The following ZNF585B variants were observed in gnomAD, a reference collection of about 807,000 sequenced individuals.
The protein encoded by ZNF585B is zinc finger protein 41-like protein.
ZNF585B carries 7 observed loss-of-function variants against 14.0 expected under a neutral mutation model. The observed-to-expected ratio is 0.50, with a 90% CI of 0.28 to 0.94. The LOEUF (loss-of-function observed/expected upper bound fraction) is 0.94, where lower values mean the gene tolerates loss of function less well. Among genes scored for constraint, ZNF585B ranks in the 40% least tolerant of loss-of-function variants. The pLI is 0.09. For synonymous variants in ZNF585B, 290 were observed against 317.3 expected (o/e 0.91, Z 0.91); for missense variants, 750 against 924.4 (o/e 0.81, Z 2.45).
Position 37,198,456 on chromosome 19 carries a change from G to A in ZNF585B, c.73-8306C>T, listed in dbSNP as rs142981094. 6.3e-3 allele frequency among the ~76,000 whole-genome samples: 962 copies of A among 152,288 alleles called. 26 individuals carry two copies. The highest frequency in any genetic ancestry group is 0.052 in the East Asian group (270 of 5,164). Reference sequence around the variant, plus strand: ...CAAAGTGCTGGGATTACAGGCATGAGCCACCAGGCCAGGCCATTCCAGTGT... The same window carrying A: ...CAAAGTGCTGGGATTACAGGCATGAACCACCAGGCCAGGCCATTCCAGTGT... On this transcript the variant is annotated intron_variant, in intron 2 of 4. Transcript: ENST00000532828.
chr19:37,202,889 G>A (rs762741298), intron 2 of ZNF585B, among the ~76,000 whole-genome samples: 2 of 151,994 alleles, frequency 1.3e-5, no homozygotes, highest in Non-Finnish European at 2.9e-5. Flanking sequence ...GTGATCCACT[G>A]GCCCTGGTCT....
intron 2 of ZNF585B, chr19:37,199,013 A>G (rs1385583966): frequency 6.5e-7 from 1 of 1,531,418 alleles, no homozygotes. Flanking sequence ...TTGTGCTTAT[A>G]GGGCTCAGAA....
At chr19:37,200,053 TAATAA>T (rs74174449) in intron 2 of ZNF585B, among the ~76,000 whole-genome samples, 29,750 of 144,412 alleles carry the variant, frequency 0.21, 4,179 homozygotes, top group African/African-American at 0.4. Context: ...CAAAAATAAA[TAATAA>T]AATAAAATAA....
Position 37,184,917 on chromosome 19 carries a change from C to A in ZNF585B, c.*310G>T. On this transcript the variant is annotated 3_prime_UTR_variant, in exon 5 of 5. Transcript: ENST00000532828. ...AGGATTATCATTCCCATAATATGAT[C>A]TTTCTTATGAAGAATTTGGTAACAG... The A allele has an allele frequency of 2.2e-6, 1 of 457,540 alleles. No homozygotes were observed. Among genetic ancestry groups the A allele is most frequent in the East Asian group, 3.2e-5 (1 of 31,736 alleles). The allele number at this position is 457,540 out of a possible 1,614,324, so 28.3% of individuals were successfully genotyped here. A position where few individuals can be genotyped will look rare whatever the true frequency, so the allele number is the denominator to read the frequency against.
chr19:37,205,552 C>T (rs1972576646), intron 2 of ZNF585B, among the ~76,000 whole-genome samples: 1 of 152,114 alleles, frequency 6.6e-6, no homozygotes, highest in Non-Finnish European at 1.5e-5. Context: ...CATTTGTATA[C>T]AGAACTAAGC....
intron 2 of ZNF585B, among the ~76,000 whole-genome samples, chr19:37,201,235 C>G (rs1384738219): frequency 6.6e-6 from 1 of 152,066 alleles, no homozygotes; most frequent in Non-Finnish European, 1.5e-5. Context: ...AATATTTGAG[C>G]TGAATTCTCA....
intron 4 of ZNF585B, among the ~76,000 whole-genome samples, chr19:37,188,611 G>A (rs1278907787): frequency 6.6e-6 from 1 of 152,244 alleles, no homozygotes; most frequent in African/African-American, 2.4e-5. Flanking sequence ...GGAGGTTGCA[G>A]TGAGCCAAGA....
At chr19:37,201,884 T>C (rs1432720050) in intron 2 of ZNF585B, among the ~76,000 whole-genome samples, 1 of 152,240 alleles carries the variant, frequency 6.6e-6, no homozygotes, top group Non-Finnish European at 1.5e-5. Context: ...ACTTCTGATA[T>C]ACAGTATTTT....
Position 37,184,410 on chromosome 19 carries a change from AAGAAAGAG to A in ZNF585B, c.*809_*816del, listed in dbSNP as rs1568504801. 40 of 49,766 alleles carry A rather than the reference AAGAAAGAG, an allele frequency of 8.0e-4. 2 individuals carry two copies. The highest frequency in any genetic ancestry group is 3.2e-3 in the African/African-American group (33 of 10,290). The allele number at this position is 49,766 out of a possible 1,614,324, so 3.1% of individuals were successfully genotyped here. ...AAAGAAAGAAAGAAAGAAAGAAAGA[AAGAAAGAG>A]AAAGAAAGAAAAAGAAAGAAAGAAG... On this transcript the variant is annotated 3_prime_UTR_variant, in exon 5 of 5. Coordinates refer to ENST00000532828, the MANE Select transcript of ZNF585B (RefSeq NM_152279.4).
chr19:37,199,704 AACATCC>A (rs1202052765), intron 2 of ZNF585B, among the ~76,000 whole-genome samples: 2 of 152,144 alleles, frequency 1.3e-5, no homozygotes, highest in Admixed American at 1.3e-4. Context: ...CAACAGAAAA[AACATCC>A]ACCATGAATT....
Position 37,184,738 on chromosome 19 carries a change from A to C in ZNF585B, c.*489T>G, listed in dbSNP as rs943924728. 2.9e-6 allele frequency: 1 copy of C among 347,090 alleles called. No individual in the cohort carries two copies. The highest frequency in any genetic ancestry group is 5.2e-6 in the Non-Finnish European group (1 of 193,382). 21.5% of individuals were successfully genotyped at this position (347,090 alleles called of 1,614,324 possible). A position where few individuals can be genotyped will look rare whatever the true frequency, so the allele number is the denominator to read the frequency against. On this transcript the variant is annotated 3_prime_UTR_variant, in exon 5 of 5. Coordinates refer to ENST00000532828, the MANE Select transcript of ZNF585B (RefSeq NM_152279.4). ...ATACTCAATGGGGAATTGGATATGC[A>C]CAACTGTGTTCGATTCAAAAGAAGA...
chr19:37,209,876 C>A (rs917649699), intron 1 of ZNF585B, among the ~76,000 whole-genome samples: 1 of 151,732 alleles, frequency 6.6e-6, no homozygotes, highest in East Asian at 1.9e-4. Flanking sequence ...CCACCACGCC[C>A]GGCTAATTTT....
intron 2 of ZNF585B, among the ~76,000 whole-genome samples, chr19:37,202,862 C>T (rs12462716): frequency 0.13 from 19,312 of 152,068 alleles, 1,716 homozygotes; most frequent in East Asian, 0.4. Context: ...AGGCTGGTCT[C>T]GAACTCCTGA....
intron 2 of ZNF585B, among the ~76,000 whole-genome samples, chr19:37,204,322 T>C (rs1369516068): frequency 6.6e-6 from 1 of 152,214 alleles, no homozygotes; most frequent in African/African-American, 2.4e-5. Context: ...GTTAGCCTCG[T>C]ACTATCAATT....
intron 4 of ZNF585B, among the ~76,000 whole-genome samples, chr19:37,187,677 T>G (rs1437510794): frequency 6.6e-6 from 1 of 152,152 alleles, no homozygotes; most frequent in African/African-American, 2.4e-5. Flanking sequence ...TCCAAACACT[T>G]TTTCAAGGGA....
chr19:37,185,625 C>T lies in ZNF585B; in HGVS notation c.1912G>A (p.Glu638Lys), dbSNP rs768113880. The change falls in exon 5 of 5, where the codon GAG becomes AAG. Residue 638 changes from glutamate (E) to lysine (K), a missense_variant. Transcript: ENST00000532828. ...HTGEKPYVCAECGKAFSGRSN... is the reference protein window; with the variant it reads ...HTGEKPYVCAKCGKAFSGRSN... The stretch of plus-strand genomic sequence containing the variant: ...CTGCCACTAAAGGCTTTCCCACACT[C>T]GGCACACACATAGGGTTTCTCTCCT... 10 of 1,614,062 alleles carry T rather than the reference C, an allele frequency of 6.2e-6. No individual in the cohort carries two copies. Among genetic ancestry groups the T allele is most frequent in the South Asian group, 4.4e-5 (4 of 91,068 alleles).
rs1293819066 is a variant in ZNF585B, at chr19:37,184,418, GAAAGAAAGAA to G, written c.*799_*808del. 1 of 47,040 alleles carries G rather than the reference GAAAGAAAGAA, an allele frequency of 2.1e-5. No homozygotes were observed. The highest frequency in any genetic ancestry group is 1.1e-4 in the African/African-American group (1 of 9,272). The allele number at this position is 47,040 out of a possible 1,614,324, so 2.9% of individuals were successfully genotyped here. Reference sequence around the variant, plus strand: ...AAAGAAAGAAAGAAAGAAAGAAAGAGAAAGAAAGAAAAAGAAAGAAAGAAGGAAAGAAAGA... The same window carrying G: ...AAAGAAAGAAAGAAAGAAAGAAAGAGAAAGAAAGAAAGAAGGAAAGAAAGA... On this transcript the variant is annotated 3_prime_UTR_variant, in exon 5 of 5. Transcript: ENST00000532828.
chr19:37,189,560 G>T (rs1289014067), intron 4 of ZNF585B, 101 bp downstream of exon 4: 2 of 1,304,340 alleles, frequency 1.5e-6, no homozygotes, highest in African/African-American at 1.5e-5. Flanking sequence ...ACTGAAGAGT[G>T]GTCTTAATAG....
intron 2 of ZNF585B, chr19:37,195,759 GC>G (rs1317957373): frequency 1.3e-5 from 2 of 151,880 alleles, no homozygotes; most frequent in Non-Finnish European, 2.9e-5. Context: ...GGGTGTGGTG[GC>G]TCATGCCTGT....
Sources: gnomAD v4.1 joint callset for allele counts (sites outside exome capture counted in the v4.1 genomes callset) on GRCh38, gnomAD v4.1.1 for gene constraint, MANE v1.5 for transcripts, NCBI Gene and HGNC (gene_info 2026-07-23, HGNC 2026-07-21) for gene names.